The following FMN1 variants were observed in gnomAD, a reference collection of about 807,000 sequenced individuals.
The protein encoded by FMN1 is formin-1.
A neutral mutation model predicts 132.4 loss-of-function variants in FMN1; 110 were observed. That is an observed-to-expected ratio of 0.83 (90% CI 0.71 to 0.97). The LOEUF (loss-of-function observed/expected upper bound fraction) is 0.97, where lower values mean the gene tolerates loss of function less well. Among genes scored for constraint, FMN1 ranks in the 50% least tolerant of loss-of-function variants. The pLI, the probability that FMN1 is intolerant of heterozygous loss-of-function variation, is 0.00. For missense variants in FMN1, 1,792 were observed against 1,705.3 expected (o/e 1.05, Z -0.90); for synonymous variants, 722 against 651.7 (o/e 1.11, Z -1.64).
At chr15:33,082,444 A>G (rs951226761) in intron 5 of FMN1, among the ~76,000 whole-genome samples, 1 of 151,994 alleles carries the variant, frequency 6.6e-6, no homozygotes, top group Non-Finnish European at 1.5e-5. Context: ...TTTGTTTTCA[A>G]TTTCAGGCCA....
intron 5 of FMN1, among the ~76,000 whole-genome samples, chr15:33,076,300 G>T (rs2038206184): frequency 6.6e-6 from 1 of 152,174 alleles, no homozygotes; most frequent in African/African-American, 2.4e-5. Flanking sequence ...GATAAAAGAT[G>T]AAGACCTGGA....
intron 6 of FMN1, 68 bp from the exon 7 acceptor site, chr15:33,008,143 C>A: frequency 8.2e-7 from 1 of 1,217,966 alleles, no homozygotes; most frequent in South Asian, 1.3e-5. Flanking sequence ...ATCTACTGGT[C>A]CTCTTAGAAA....
intron 6 of FMN1, among the ~76,000 whole-genome samples, chr15:33,046,259 A>G (rs1177011903): frequency 6.6e-6 from 1 of 152,168 alleles, no homozygotes; most frequent in East Asian, 1.9e-4. Flanking sequence ...GGAAGCAGCG[A>G]GTCTTACAGA....
At chr15:32,850,191 C>A (rs2058977055) in intron 17 of FMN1, among the ~76,000 whole-genome samples, 1 of 151,928 alleles carries the variant, frequency 6.6e-6, no homozygotes, top group Non-Finnish European at 1.5e-5. Flanking sequence ...AATTATTTCC[C>A]TCACAGGTTA....
intron 7 of FMN1, among the ~76,000 whole-genome samples, chr15:33,002,963 C>A (rs144405597): frequency 6.6e-6 from 1 of 152,150 alleles, no homozygotes; most frequent in South Asian, 2.1e-4. Flanking sequence ...AAGACAAAAA[C>A]CACATGATTA....
At chr15:33,090,061 ACTT>A (rs2038850016) in intron 4 of FMN1, among the ~76,000 whole-genome samples, 1 of 152,186 alleles carries the variant, frequency 6.6e-6, no homozygotes, top group Admixed American at 6.5e-5. Context: ...TGTACTGGAC[ACTT>A]CTAATGTTTC....
At chr15:33,149,508 T>C (rs898295188) in intron 4 of FMN1, among the ~76,000 whole-genome samples, 1 of 152,342 alleles carries the variant, frequency 6.6e-6, no homozygotes, top group African/African-American at 2.4e-5. Context: ...TAATTTCTTA[T>C]TGGTACATAT....
intron 7 of FMN1, among the ~76,000 whole-genome samples, chr15:32,985,265 T>C (rs754236530): frequency 6.6e-6 from 1 of 152,156 alleles, no homozygotes; most frequent in Non-Finnish European, 1.5e-5. Flanking sequence ...ACAGCTTATC[T>C]TGAGAACAGC....
Position 32,773,110 on chromosome 15 carries a change from G to C in FMN1, c.*1200C>G, listed in dbSNP as rs1258732. The stretch of plus-strand genomic sequence containing the variant: ...GGCTTAAAGACAAAAGTGTCAGAGA[G>C]GTCAAAGGTGGTTTCCTTATGTGAC... On this transcript the variant is annotated 3_prime_UTR_variant, in exon 21 of 21. Coordinates refer to ENST00000616417, the MANE Select transcript of FMN1 (RefSeq NM_001277313.2). 1 of 152,110 alleles carries C rather than the reference G, an allele frequency of 6.6e-6. No homozygotes were observed. The highest frequency in any genetic ancestry group is 2.4e-5 in the African/African-American group (1 of 41,426). The allele number at this position is 152,110 out of a possible 1,614,324, so 9.4% of individuals were successfully genotyped here.
chr15:32,955,283 A>G (rs1229511349), intron 9 of FMN1, among the ~76,000 whole-genome samples: 1 of 152,252 alleles, frequency 6.6e-6, no homozygotes, highest in Non-Finnish European at 1.5e-5. Context: ...TGTTCATATT[A>G]AGCATGTGCC....
At chr15:33,186,615 CTATCT>C (rs1167652215) in intron 2 of FMN1, among the ~76,000 whole-genome samples, 1 of 152,158 alleles carries the variant, frequency 6.6e-6, no homozygotes, top group Non-Finnish European at 1.5e-5. Context: ...ATCTCTTCAC[CTATCT>C]TAAGTTTCAG....
At chr15:33,086,057 C>T (rs113736464) in intron 5 of FMN1, among the ~76,000 whole-genome samples, 3,844 of 152,048 alleles carry the variant, frequency 0.025, 163 homozygotes, top group African/African-American at 0.088. Flanking sequence ...CCAGACCATC[C>T]TGGCTAACAC....
intron 5 of FMN1, chr15:33,066,795 C>G (rs995204395): frequency 1.2e-6 from 2 of 1,613,856 alleles, no homozygotes; most frequent in African/African-American, 2.7e-5. Context: ...CTGGGCGACT[C>G]AGGGTCTGCT....
intron 6 of FMN1, among the ~76,000 whole-genome samples, chr15:33,040,325 G>C (rs2036372652): frequency 6.6e-6 from 1 of 152,040 alleles, no homozygotes; most frequent in African/African-American, 2.4e-5. Flanking sequence ...ACCGCACCTA[G>C]AATGTTTGAT....
At chr15:33,081,879 A>T (rs377657594) in intron 5 of FMN1, among the ~76,000 whole-genome samples, 1 of 152,200 alleles carries the variant, frequency 6.6e-6, no homozygotes, top group African/African-American at 2.4e-5. Flanking sequence ...ATCCAGGTTC[A>T]TAAGATACAA....
intron 6 of FMN1, among the ~76,000 whole-genome samples, chr15:33,042,214 A>G (rs1239825304): frequency 2.0e-5 from 3 of 152,212 alleles, no homozygotes; most frequent in East Asian, 1.9e-4. Flanking sequence ...TGCAAAAGCT[A>G]TAAGAAGAAA....
intron 19 of FMN1, among the ~76,000 whole-genome samples, chr15:32,785,218 A>ATATATATTTTTTTT (rs1444523400): frequency 1.3e-4 from 5 of 39,206 alleles, no homozygotes; most frequent in East Asian, 5.2e-4. Flanking sequence ...ATATATATAT[A>ATATATATTTTTTTT]TTTTTTTTTT....
chr15:32,989,766 A>G (rs2033318172), intron 7 of FMN1, among the ~76,000 whole-genome samples: 2 of 152,186 alleles, frequency 1.3e-5, no homozygotes, highest in Non-Finnish European at 2.9e-5. Flanking sequence ...GATGCCAAGC[A>G]GTGAGTATAT....
intron 3 of FMN1, among the ~76,000 whole-genome samples, chr15:33,160,116 T>C (rs1595582529): frequency 6.6e-6 from 1 of 152,262 alleles, no homozygotes; most frequent in Non-Finnish European, 1.5e-5. Context: ...AAGTTGTTCA[T>C]GGATACCTGA....
Sources: allele counts gnomAD v4.1 joint callset (sites outside exome capture counted in the v4.1 genomes callset), GRCh38; gene constraint gnomAD v4.1.1; transcripts MANE v1.5; gene names NCBI Gene and HGNC (gene_info 2026-07-23, HGNC 2026-07-21).